TRMT13: variants seen among roughly 807,000 people sequenced by gnomAD.
TRMT13 encodes tRNA methyltransferase 13, also known as tRNA:m(4)X modification enzyme TRM13 homolog.
A neutral mutation model predicts 55.9 loss-of-function variants in TRMT13; 45 were observed. The ratio of observed to expected loss-of-function variants is 0.80; its 90% CI spans 0.63 to 1.03. TRMT13 has a LOEUF of 1.03. Among genes scored for constraint, TRMT13 ranks in the 50% least tolerant of loss-of-function variants. The pLI, the probability that TRMT13 is intolerant of heterozygous loss-of-function variation, is 0.00. For synonymous variants in TRMT13, 183 were observed against 196.3 expected (o/e 0.93, Z 0.57); for missense variants, 513 against 563.9 (o/e 0.91, Z 0.91).
chr1:100,144,055 C>A lies in TRMT13; in HGVS notation c.743-14C>A, dbSNP rs758905248. The stretch of plus-strand genomic sequence containing the variant: ...TTTATTTCACTAGACAGTTAATTCT[C>A]ATTTCCATTTCAGACAAGATTCCTG... On this transcript the variant is annotated splice_polypyrimidine_tract_variant and intron_variant, in intron 8 of 10. Coordinates refer to ENST00000370141, the MANE Select transcript of TRMT13 (RefSeq NM_019083.3). 3.7e-6 allele frequency: 6 copies of A among 1,603,898 alleles called. No individual in the cohort carries two copies. The East Asian group carries it at 8.9e-5, about 24-fold the overall frequency.
intron 7 of TRMT13, chr1:100,142,834 A>G (rs1357995109): frequency 6.3e-6 from 2 of 317,102 alleles, no homozygotes; most frequent in African/African-American, 2.2e-5. Context: ...AGTGACAAAG[A>G]TAAAGGAGCT....
chr1:100,136,717 GT>G (rs1655924734), intron 1 of TRMT13, among the ~76,000 whole-genome samples, 164 bp from the exon 2 acceptor site: 3 of 152,152 alleles, frequency 2.0e-5, no homozygotes, highest in Non-Finnish European at 2.9e-5. Flanking sequence ...ACACTGGAGA[GT>G]TTTTGTTAAA....
chr1:100,134,242 T>G (rs932439957), intron 1 of TRMT13, among the ~76,000 whole-genome samples: 1 of 152,176 alleles, frequency 6.6e-6, no homozygotes, highest in Non-Finnish European at 1.5e-5. Flanking sequence ...ACTTTATATT[T>G]GTATATATGT....
intron 4 of TRMT13, 152 bp downstream of exon 4, chr1:100,139,863 C>T: frequency 1.6e-6 from 1 of 614,546 alleles, no homozygotes; most frequent in Non-Finnish European, 2.9e-6. Flanking sequence ...ATGGTTAGTT[C>T]CTAGACCCAG....
intron 7 of TRMT13, 29 bp downstream of exon 7, chr1:100,141,048 A>T: frequency 6.5e-7 from 1 of 1,529,230 alleles, no homozygotes; most frequent in Non-Finnish European, 8.8e-7. Context: ...CTGTGTTAGT[A>T]ACCAAACTTG....
chr1:100,137,159 G>A, intron 3 of TRMT13, 74 bp downstream of exon 3: 1 of 1,290,442 alleles, frequency 7.7e-7, no homozygotes, highest in Non-Finnish European at 1.1e-6. Flanking sequence ...CACATGGAAT[G>A]TACTTGTTTC....
chr1:100,148,141 C>T lies in TRMT13; in HGVS notation c.1065C>T (p.Gly355=), dbSNP rs1299091447. The T allele has an allele frequency of 1.9e-6, 3 of 1,614,142 alleles. No individual in the cohort carries two copies. Among genetic ancestry groups the T allele is most frequent in the Non-Finnish European group, 2.5e-6 (3 of 1,180,034 alleles). ...YVGKEYFRAL[G]LGAVEFHYFQ... is the part of the protein sequence containing the mutation. Reference sequence around the variant, plus strand: ...GCAAAGAATATTTCAGGGCTCTAGGCCTTGGAGCAGTGGAATTCCATTATT... The same window carrying T: ...GCAAAGAATATTTCAGGGCTCTAGGTCTTGGAGCAGTGGAATTCCATTATT... Residue 355 remains glycine, a synonymous_variant, in exon 10 of 11, where the codon GGC becomes GGT. Coordinates refer to ENST00000370141, the MANE Select transcript of TRMT13 (RefSeq NM_019083.3).
At chr1:100,146,586 A>T (rs588353) in intron 9 of TRMT13, among the ~76,000 whole-genome samples, 113,816 of 151,854 alleles carry the variant, frequency 0.75, 45,285 homozygotes, top group East Asian at 0.95. Context: ...GCTCACTGCA[A>T]CCTCCGCCTC....
At chr1:100,136,963 C>A in intron 2 of TRMT13, 35 bp downstream of exon 2, 1 of 1,595,132 alleles carries the variant, frequency 6.3e-7, no homozygotes, top group Non-Finnish European at 8.5e-7. Context: ...TTTTTTTGTG[C>A]TGGAAACAGT....
At chr1:100,143,338 T>A (rs1450194569) in intron 8 of TRMT13, 129 bp downstream of exon 8, 1 of 551,006 alleles carries the variant, frequency 1.8e-6, no homozygotes, top group East Asian at 2.9e-5. Flanking sequence ...ATTGTTAATA[T>A]AGAATGTTTT....
rs761405899 is a variant in TRMT13, at chr1:100,148,835, G to C, written c.*15G>C. The C allele has an allele frequency of 7.0e-7, 1 of 1,423,990 alleles. No homozygotes were observed. The highest frequency in any genetic ancestry group is 9.2e-7 in the Non-Finnish European group (1 of 1,085,332). 88.2% of individuals were successfully genotyped at this position (1,423,990 alleles called of 1,614,324 possible). ...CAACTGCTTAATGGAAAAGAAATTT[G>C]AGCATCATCTGTCTTCCACCAAAAA... On this transcript the variant is annotated 3_prime_UTR_variant, in exon 11 of 11. Coordinates refer to ENST00000370141, the MANE Select transcript of TRMT13 (RefSeq NM_019083.3).
In TRMT13 at chr1:100,143,171, T is replaced by C. The variant is rs1656829698; in HGVS notation, c.704T>C (p.Phe235Ser). 4 of 1,610,752 alleles carry C rather than the reference T, an allele frequency of 2.5e-6. No individual in the cohort carries two copies. The African/African-American group carries it at 5.3e-5, about 22-fold the overall frequency. The stretch of plus-strand genomic sequence containing the variant: ...AAACACAGAAAGAAAAATTCAGTGT[T>C]TGAAAGACTTCAAATTGATATTCAA... ...DGKHRKKNSV[F>S]ERLQIDIQHL... The change falls in exon 8 of 11, where the codon TTT (phenylalanine) becomes TCT (serine). Residue 235 changes from phenylalanine to serine, a missense_variant. Transcript: ENST00000370141.
At chr1:100,144,207 C>T (rs1210660514) in intron 9 of TRMT13, 64 bp downstream of exon 9, 2 of 1,151,420 alleles carry the variant, frequency 1.7e-6, no homozygotes, top group Non-Finnish European at 2.6e-6. Context: ...CTGGCCCCAA[C>T]CATTTCAGTG....
rs748731952 is a variant in TRMT13 at position 100,133,218 on chromosome 1, G to T, written c.50G>T (p.Gly17Val). ...CACGCGCCTGGTTTTCCAGCTGAGG[G>T]TAGATGCGGTTACTATGTGGAAAAG... The part of the protein sequence containing the change: ...SPHAPGFPAE[G>V]RCGYYVEKKK... Residue 17 changes from glycine to valine, a missense_variant, in exon 1 of 11, where the codon GGT becomes GTT. Physicochemically the swap from Gly to Val is moderately radical, Grantham distance 109 (BLOSUM62 -3). Transcript: ENST00000370141. 8.6e-5 allele frequency: 139 copies of T among 1,614,132 alleles called. No individual in the cohort carries two copies. The highest frequency in any genetic ancestry group is 1.1e-4 in the Non-Finnish European group (132 of 1,180,052).
chr1:100,145,699 G>A (rs895685914), intron 9 of TRMT13, among the ~76,000 whole-genome samples: 11 of 152,140 alleles, frequency 7.2e-5, no homozygotes, highest in Non-Finnish European at 4.4e-5. Flanking sequence ...TGGGCACATA[G>A]GAAGACCCCA....
intron 1 of TRMT13, among the ~76,000 whole-genome samples, chr1:100,136,100 A>G (rs1241490577): frequency 1.3e-5 from 2 of 152,196 alleles, no homozygotes; most frequent in African/African-American, 4.8e-5. Context: ...CCAATGACAA[A>G]ATCACCTAAA....
chr1:100,144,233 ATATCT>A, intron 9 of TRMT13, 90 bp downstream of exon 9: 3 of 879,120 alleles, frequency 3.4e-6, no homozygotes, highest in Non-Finnish European at 5.6e-6. Context: ...TTTTGAATAG[ATATCT>A]TATGTTTACA....
intron 1 of TRMT13, among the ~76,000 whole-genome samples, chr1:100,133,867 G>GA (rs1240988693): frequency 6.6e-6 from 1 of 152,086 alleles, no homozygotes; most frequent in Non-Finnish European, 1.5e-5. Flanking sequence ...CCAACATGAT[G>GA]AAACCCTCTC....
Position 100,133,450 on chromosome 1 carries a change from C to A in TRMT13, c.147+135C>A. 2.0e-5 allele frequency: 21 copies of A among 1,071,792 alleles called. No homozygotes were observed. The South Asian group carries it at 3.1e-4, about 16-fold the overall frequency. 66.4% of individuals were successfully genotyped at this position (1,071,792 alleles called of 1,614,324 possible). Reference sequence around the variant, plus strand: ...ATTCTCCAGCTTTCACTTTAATAAACCCAGTTTTGCCCTCCTTGCGGAGCG... The same window carrying A: ...ATTCTCCAGCTTTCACTTTAATAAAACCAGTTTTGCCCTCCTTGCGGAGCG... On this transcript the variant is annotated intron_variant, in intron 1 of 10. Transcript: ENST00000370141.
Sources: allele counts gnomAD v4.1 joint callset (sites outside exome capture counted in the v4.1 genomes callset), GRCh38; gene constraint gnomAD v4.1.1; transcripts MANE v1.5; gene names NCBI Gene and HGNC (gene_info 2026-07-23, HGNC 2026-07-21).